The following NRAP variants were observed in gnomAD, a reference collection of about 807,000 sequenced individuals.
The protein encoded by NRAP is nebulin-related-anchoring protein.
In NRAP, 189 loss-of-function variants were observed where a neutral mutation model predicts 225.9. That is an observed-to-expected ratio of 0.84 (90% CI 0.74 to 0.94). The LOEUF (loss-of-function observed/expected upper bound fraction) is 0.94. Among genes scored for constraint, NRAP ranks in the 40% least tolerant of loss-of-function variants. NRAP has a pLI of 0.00. For synonymous variants in NRAP, 769 were observed against 790.7 expected (o/e 0.97, Z 0.46); for missense variants, 2,176 against 2,168.7 (o/e 1.00, Z -0.07).
intron 12 of NRAP, among the ~76,000 whole-genome samples, chr10:113,642,011 GAGA>G (rs1849233340): frequency 6.6e-6 from 1 of 152,134 alleles, no homozygotes; most frequent in South Asian, 2.1e-4. Flanking sequence ...ATCAAATAAA[GAGA>G]AGACCAAAAC....
intron 7 of NRAP, 24 bp from the exon 8 acceptor site, chr10:113,650,569 C>A (rs1471073060): frequency 7.0e-7 from 1 of 1,436,360 alleles, no homozygotes; most frequent in Non-Finnish European, 9.8e-7. Context: ...ACATGTGAAT[C>A]ACATGCCCCA....
chr10:113,631,717 C>T, intron 17 of NRAP, 107 bp from the exon 18 acceptor site: 1 of 888,080 alleles, frequency 1.1e-6, no homozygotes, highest in Admixed American at 2.2e-5. Flanking sequence ...AAACACCTCC[C>T]AGTCTTTCAC....
At chr10:113,592,671 A>G (rs906877270) in intron 38 of NRAP, among the ~76,000 whole-genome samples, 5 of 152,140 alleles carry the variant, frequency 3.3e-5, no homozygotes, top group Non-Finnish European at 7.4e-5. Flanking sequence ...AAGCTTCCAG[A>G]ATCCAGTTTC....
At chr10:113,648,533 A>G (rs772364553) in intron 9 of NRAP, among the ~76,000 whole-genome samples, 6 of 144,208 alleles carry the variant, frequency 4.2e-5, no homozygotes, top group Non-Finnish European at 9.0e-5. Context: ...AATCCTGTTG[A>G]TTACATGGTA....
intron 30 of NRAP, 53 bp from the exon 31 acceptor site, chr10:113,610,616 G>A (rs1847270959): frequency 5.2e-6 from 6 of 1,147,624 alleles, no homozygotes; most frequent in Non-Finnish European, 6.6e-6. Context: ...CTCAGAACAG[G>A]GAAGCAAAGC....
intron 31 of NRAP, among the ~76,000 whole-genome samples, chr10:113,610,089 C>A (rs2133921837): frequency 6.6e-6 from 1 of 152,194 alleles, no homozygotes; most frequent in East Asian, 1.9e-4. Flanking sequence ...GTGGCTCACG[C>A]CTGTAATCCC....
chr10:113,601,669 TCTG>T (rs1846610726), intron 35 of NRAP, among the ~76,000 whole-genome samples: 1 of 152,228 alleles, frequency 6.6e-6, no homozygotes, highest in Admixed American at 6.5e-5. Flanking sequence ...TTATGTTCTC[TCTG>T]CTTTCTTTTT....
intron 3 of NRAP, among the ~76,000 whole-genome samples, chr10:113,659,079 T>C (rs1159761165): frequency 6.6e-6 from 1 of 152,174 alleles, no homozygotes; most frequent in East Asian, 1.9e-4. Flanking sequence ...TTGATGCATA[T>C]ATTTTTAAAT....
Position 113,604,618 on chromosome 10 carries a change from C to T in NRAP, c.4218G>A (p.Leu1406=). The stretch of plus-strand genomic sequence containing the variant: ...ACAAGGCCACCCCTACCTCACTCTG[C>T]AGGGCATGGGCTTTCTTGGCCCAGG... ...KMAWAKKAHA[L]QSELRYKSDL... The change falls in exon 35 of 42, where the codon CTG becomes CTA. Residue 1406 remains leucine, a synonymous_variant. Coordinates refer to ENST00000359988, the MANE Select transcript of NRAP (RefSeq NM_198060.4). 6.2e-7 allele frequency: 1 copy of T among 1,613,040 alleles called. No homozygotes were observed. The highest frequency in any genetic ancestry group is 1.1e-5 in the South Asian group (1 of 91,036).
At position 113,588,857 on chromosome 10, in the gene NRAP, G is replaced by A. The variant is rs1845742808; in HGVS notation, c.*118C>T. On this transcript the variant is annotated 3_prime_UTR_variant, in exon 42 of 42. Coordinates refer to ENST00000359988, the MANE Select transcript of NRAP (RefSeq NM_198060.4). ...CTTTCAGAGTTATTATTTTAATAAA[G>A]GAAGATCTGGGATGGGCTGGTGGGC... 2.7e-6 allele frequency: 2 copies of A among 727,362 alleles called. No individual in the cohort carries two copies. Among genetic ancestry groups the A allele is most frequent in the Non-Finnish European group, 4.9e-6 (2 of 410,938 alleles). The allele number at this position is 727,362 out of a possible 1,614,324, so 45.1% of individuals were successfully genotyped here. A position where few individuals can be genotyped will look rare whatever the true frequency, so the allele number is the denominator to read the frequency against.
chr10:113,642,491 T>C (rs1160238826), intron 12 of NRAP, among the ~76,000 whole-genome samples: 2 of 152,164 alleles, frequency 1.3e-5, no homozygotes, highest in Non-Finnish European at 2.9e-5. Context: ...AATTTGCGAA[T>C]GCCCCTCTAG....
In NRAP at chr10:113,626,192, C is replaced by A. The variant is rs757755962; in HGVS notation, c.2146-47G>T. 7 of 1,251,084 alleles carry A rather than the reference C, an allele frequency of 5.6e-6. No homozygotes were observed. In the African/African-American group the frequency reaches 1.0e-4, roughly 19 times the overall value. 77.5% of individuals were successfully genotyped at this position (1,251,084 alleles called of 1,614,324 possible). A position where few individuals can be genotyped will look rare whatever the true frequency, so the allele number is the denominator to read the frequency against. ...CCCACAGCATTAGGATTGGGTTGCC[C>A]CTACCACCCTACTCATGTGCCCCCA... is the stretch of plus-strand genomic sequence containing the variant. On this transcript the variant is annotated intron_variant, in intron 20 of 41. Coordinates refer to ENST00000359988, the MANE Select transcript of NRAP (RefSeq NM_198060.4).
chr10:113,607,102 G>A (rs768279053), intron 32 of NRAP, among the ~76,000 whole-genome samples: 2 of 152,062 alleles, frequency 1.3e-5, no homozygotes, highest in Non-Finnish European at 2.9e-5. Context: ...TTGGGAGTCC[G>A]AGGCAGGAGA....
At position 113,614,306 on chromosome 10, in the gene NRAP, A is replaced by C. The variant is rs1847510925; in HGVS notation, c.3187-10T>G. ...CCTCTTTGTATTTGTACTAAAGGGA[A>C]AGAGAGCGGGAGAGAGGAACAGCTC... is the stretch of plus-strand genomic sequence containing the variant. On this transcript the variant is annotated splice_polypyrimidine_tract_variant and intron_variant, in intron 28 of 41. Coordinates refer to ENST00000359988, the MANE Select transcript of NRAP (RefSeq NM_198060.4). The C allele has an allele frequency of 6.4e-7, 1 of 1,569,244 alleles. No individual in the cohort carries two copies. Among genetic ancestry groups the C allele is most frequent in the South Asian group, 1.1e-5 (1 of 90,126 alleles).
chr10:113,660,443 G>A (rs895987599), intron 3 of NRAP, among the ~76,000 whole-genome samples: 1 of 152,050 alleles, frequency 6.6e-6, no homozygotes. Flanking sequence ...ACACACGCAG[G>A]CTTCCTGGGA....
chr10:113,589,573 C>A (rs1486334686), intron 41 of NRAP, 93 bp downstream of exon 41: 29 of 1,485,032 alleles, frequency 2.0e-5, no homozygotes, highest in Non-Finnish European at 2.1e-5. Flanking sequence ...GCTAGCTGAC[C>A]TTTGGCCAAA....
At position 113,614,791 on chromosome 10, in the gene NRAP, AACGGGTT is replaced by A. The variant is rs1355038036; in HGVS notation, c.3186+41_3186+47del. 2.6e-6 allele frequency: 3 copies of A among 1,135,102 alleles called. No homozygotes were observed. In the African/African-American group the frequency reaches 4.6e-5, roughly 17 times the overall value. The allele number at this position is 1,135,102 out of a possible 1,614,324, so 70.3% of individuals were successfully genotyped here. On this transcript the variant is annotated intron_variant, in intron 28 of 41. Transcript: ENST00000359988. The stretch of plus-strand genomic sequence containing the variant: ...AGGAGTTACGGGCAAAAGGAGTGAA[AACGGGTT>A]AGTGTTGAACATTGTCACAAGAATG...
At chr10:113,638,021 T>C (rs1234701134) in intron 14 of NRAP, among the ~76,000 whole-genome samples, 1 of 152,114 alleles carries the variant, frequency 6.6e-6, no homozygotes, top group East Asian at 1.9e-4. Context: ...GTAGAGAAAA[T>C]TAGGAAATAT....
intron 38 of NRAP, among the ~76,000 whole-genome samples, chr10:113,593,375 G>A (rs998030471): frequency 6.6e-6 from 1 of 152,138 alleles, no homozygotes; most frequent in Non-Finnish European, 1.5e-5. Flanking sequence ...TCCCACAACT[G>A]GGCCTGGAAC....
Sources: allele counts gnomAD v4.1 joint callset (sites outside exome capture counted in the v4.1 genomes callset), GRCh38; gene constraint gnomAD v4.1.1; transcripts MANE v1.5; gene names NCBI Gene and HGNC (gene_info 2026-07-23, HGNC 2026-07-21).